The following FRMPD4 variants were observed in gnomAD, a reference collection of about 807,000 sequenced individuals.
FRMPD4 encodes FERM and PDZ domain containing 4, also known as FERM and PDZ domain-containing protein 4.
Under a neutral mutation model 94.1 loss-of-function variants are expected in FRMPD4, and 22 were observed. That is an observed-to-expected ratio of 0.23 (90% CI 0.17 to 0.33). The LOEUF (loss-of-function observed/expected upper bound fraction) is 0.33, where lower values mean the gene tolerates loss of function less well. FRMPD4 is among the 10% of genes least tolerant of loss of function. FRMPD4 has a pLI of 1.00. For synonymous variants in FRMPD4, 631 were observed against 548.6 expected, an observed-to-expected ratio of 1.15 and a Z score of -2.10; for missense variants, 1,111 against 1,339.9, an observed-to-expected ratio of 0.83 and a Z score of 2.67.
chrX:11,983,958 C>G (rs374951447), intron 3 of FRMPD4, among the ~76,000 whole-genome samples: 2 of 111,663 alleles, frequency 1.8e-5, no homozygotes, highest in Admixed American at 9.5e-5. Flanking sequence ...TTTAACCATG[C>G]CAGTGTAGTC....
At chrX:12,470,391 G>A in intron 1 of FRMPD4, among the ~76,000 whole-genome samples, 1 of 111,748 alleles carries the variant, frequency 8.9e-6, no homozygotes, top group Non-Finnish European at 1.9e-5. Flanking sequence ...ATGAGCCCCT[G>A]TTCAGGAGTA....
At chrX:12,121,899 C>T (rs1470857910) in intron 3 of FRMPD4, among the ~76,000 whole-genome samples, 1 of 111,633 alleles carries the variant, frequency 9.0e-6, no homozygotes, top group African/African-American at 3.3e-5. Flanking sequence ...CTCTGTAAGT[C>T]TCTCAGCATA....
chrX:12,240,801 C>A (rs1032135849), intron 1 of FRMPD4, among the ~76,000 whole-genome samples: 2 of 112,020 alleles, frequency 1.8e-5, no homozygotes, highest in African/African-American at 6.5e-5. Flanking sequence ...TTGATCAAGG[C>A]AGTGTTTTAT....
chrX:12,619,491 G>C (rs1228206077), intron 4 of FRMPD4, among the ~76,000 whole-genome samples: 1 of 111,436 alleles, frequency 9.0e-6, no homozygotes, highest in East Asian at 2.8e-4. Flanking sequence ...AACCCTGGTG[G>C]AGCCCAAGAC....
intron 1 of FRMPD4, among the ~76,000 whole-genome samples, chrX:12,395,379 G>A (rs1470133075): frequency 8.9e-6 from 1 of 111,924 alleles, no homozygotes; most frequent in Non-Finnish European, 1.9e-5. Flanking sequence ...CTGCAAAGAT[G>A]GTGATATGAA....
At chrX:12,211,857 ACAAT>A (rs942048663) in intron 1 of FRMPD4, among the ~76,000 whole-genome samples, 41 of 112,448 alleles carry the variant, frequency 3.6e-4, no homozygotes, top group African/African-American at 1.3e-3. Context: ...ATTTAAAAAT[ACAAT>A]CAATTTTCTT....
upstream of FRMPD4, among the ~76,000 whole-genome samples, chrX:12,136,456 C>A (rs1159224873): frequency 9.0e-6 from 1 of 111,046 alleles, no homozygotes; most frequent in South Asian, 3.8e-4. Flanking sequence ...GTGTGAGAAC[C>A]TTTTGCAATT....
chrX:12,467,929 C>G (rs2057466556), intron 1 of FRMPD4, among the ~76,000 whole-genome samples: 1 of 111,605 alleles, frequency 9.0e-6, no homozygotes, highest in Non-Finnish European at 1.9e-5. Context: ...AGAGTAACTC[C>G]TGGTTTCATC....
upstream of FRMPD4, among the ~76,000 whole-genome samples, chrX:12,135,732 C>T (rs978739035): frequency 1.8e-5 from 2 of 110,929 alleles, no homozygotes; most frequent in Non-Finnish European, 3.8e-5. Context: ...ATGTCTATTT[C>T]CTGTCACTTT....
At chrX:12,672,284 G>A (rs1278741246) in intron 4 of FRMPD4, among the ~76,000 whole-genome samples, 6 of 111,962 alleles carry the variant, frequency 5.4e-5, no homozygotes, top group Non-Finnish European at 9.4e-5. Context: ...ATTGCAGCCC[G>A]CTTGTGTCAG....
intron 3 of FRMPD4, among the ~76,000 whole-genome samples, chrX:12,056,141 G>A (rs2054852860): frequency 9.0e-6 from 1 of 111,357 alleles, no homozygotes; most frequent in Non-Finnish European, 1.9e-5. Flanking sequence ...TCATTGTCAG[G>A]GCTAAGGGGA....
intron 4 of FRMPD4, among the ~76,000 whole-genome samples, chrX:12,635,940 G>A (rs976055074): frequency 9.0e-6 from 1 of 111,617 alleles, no homozygotes; most frequent in African/African-American, 3.3e-5. Context: ...CACATGCCAA[G>A]GTACTTTCTC....
At chrX:12,469,417 T>C (rs73436795) in intron 1 of FRMPD4, among the ~76,000 whole-genome samples, 2,218 of 111,129 alleles carry the variant, frequency 0.02, 61 homozygotes, top group African/African-American at 0.068. Context: ...GCCCAGCTAA[T>C]TTTTTGTATG....
chrX:11,848,411 T>G (rs1374910445), intron 1 of FRMPD4, among the ~76,000 whole-genome samples: 2 of 111,746 alleles, frequency 1.8e-5, no homozygotes, highest in African/African-American at 3.2e-5. Context: ...AAGTTGTGCT[T>G]AAATCTTTTT....
At chrX:12,262,852 G>C (rs1048933488) in intron 1 of FRMPD4, among the ~76,000 whole-genome samples, 1 of 111,730 alleles carries the variant, frequency 9.0e-6, no homozygotes, top group Admixed American at 9.5e-5. Flanking sequence ...AACATTTCAT[G>C]AAATGGGGAT....
chrX:12,018,724 C>G (rs758938064), intron 3 of FRMPD4, among the ~76,000 whole-genome samples: 1 of 111,692 alleles, frequency 9.0e-6, no homozygotes, highest in Non-Finnish European at 1.9e-5. Context: ...GTCCAGATTT[C>G]CCCTTGTTAT....
intron 3 of FRMPD4, among the ~76,000 whole-genome samples, chrX:11,970,399 G>A (rs2054333782): frequency 8.9e-6 from 1 of 111,884 alleles, no homozygotes; most frequent in Non-Finnish European, 1.9e-5. Flanking sequence ...CTTTTTGATC[G>A]CTCTTCTGCC....
chrX:12,195,945 C>T (rs1446314374), intron 1 of FRMPD4, among the ~76,000 whole-genome samples: 1 of 111,304 alleles, frequency 9.0e-6, no homozygotes, highest in African/African-American at 3.3e-5. Flanking sequence ...AAGGGAAACC[C>T]GATGAATGTT....
intron 3 of FRMPD4, among the ~76,000 whole-genome samples, chrX:12,053,378 G>GAA (rs1305419232): frequency 1.3e-4 from 9 of 71,644 alleles, no homozygotes; most frequent in African/African-American, 4.6e-4. Context: ...AAGAAAGAAA[G>GAA]AAAGAAAGAA....
Sources: allele counts gnomAD v4.1 joint callset (sites outside exome capture counted in the v4.1 genomes callset), GRCh38; gene constraint gnomAD v4.1.1; transcripts MANE v1.5; gene names NCBI Gene and HGNC (gene_info 2026-07-23, HGNC 2026-07-21).